Variants in IMPG1 observed in about 807,000 individuals in gnomAD.
IMPG1 encodes the protein interphotoreceptor matrix proteoglycan of 150 kDa.
Under a neutral mutation model 92.0 loss-of-function variants are expected in IMPG1, and 85 were observed. The observed-to-expected ratio is 0.92, with a 90% CI of 0.78 to 1.11. IMPG1 has a LOEUF of 1.11. Ranked by LOEUF, IMPG1 falls within the 50% of genes least tolerant of loss-of-function variation. The pLI, the probability that IMPG1 is intolerant of heterozygous loss-of-function variation, is 0.00. For synonymous variants in IMPG1, 367 were observed against 334.1 expected, an observed-to-expected ratio of 1.10 and a Z score of -1.08; for missense variants, 1,022 against 956.0, an observed-to-expected ratio of 1.07 and a Z score of -0.91.
chr6:75,997,578 A>G (rs912792860), intron 12 of IMPG1, among the ~76,000 whole-genome samples: 5 of 152,180 alleles, frequency 3.3e-5, no homozygotes, highest in African/African-American at 1.2e-4. Flanking sequence ...GTATTTACCA[A>G]TAAGGGACAT....
intron 12 of IMPG1, among the ~76,000 whole-genome samples, chr6:75,955,057 G>T (rs1377269689): frequency 6.6e-6 from 1 of 152,160 alleles, no homozygotes; most frequent in East Asian, 1.9e-4. Flanking sequence ...GATGCTTCCA[G>T]CTTTGTTCTT....
At chr6:76,064,379 T>C (rs1455586170) in intron 1 of IMPG1, among the ~76,000 whole-genome samples, 2 of 151,528 alleles carry the variant, frequency 1.3e-5, no homozygotes, top group Admixed American at 1.3e-4. Context: ...TCTTTTTTTT[T>C]TTTTTTTAAT....
rs141394214 is a variant in IMPG1 at position 76,027,655 on chromosome 6, C to G, written c.498-2397G>C. Among the ~76,000 whole-genome samples the G allele has an allele frequency of 6.1e-4, 93 of 152,260 alleles. No individual in the cohort carries two copies. The East Asian group carries it at 0.016, about 26-fold the overall frequency. ...TTGCAGAAGAGGTTCTTTGTGTGAA[C>G]ATATTGACTATTCAAAAAAAGGTAT... On this transcript the variant is annotated intron_variant, in intron 4 of 16. Transcript: ENST00000369950.
In IMPG1 at chr6:76,007,489, T is replaced by G. The variant is rs1378893073; in HGVS notation, c.878A>C (p.Glu293Ala). The G allele has an allele frequency of 6.3e-7, 1 of 1,599,982 alleles. No individual in the cohort carries two copies. Among genetic ancestry groups the G allele is most frequent in the Non-Finnish European group, 8.5e-7 (1 of 1,171,066 alleles). ...TTAAAGTCCAAATTACCCATCTTTT[T>G]CTTTCTTTGGTCTTCATTTCATCAT... The part of the protein sequence containing the change: ...IHVLGFRPKK[E>A]KDGSSSTEMQ... The change falls in exon 9 of 17, where the codon GAA becomes GCA. Residue 293 changes from glutamate (E) to alanine (A), a missense_variant. Glu to Ala is a moderately radical substitution (Grantham distance 107). Coordinates refer to ENST00000369950, the MANE Select transcript of IMPG1 (RefSeq NM_001563.4).
rs905670789 is a variant in IMPG1 at position 75,921,140 on chromosome 6, A to C, written c.*949T>G. On this transcript the variant is annotated 3_prime_UTR_variant, in exon 17 of 17. Transcript: ENST00000369950. Reference sequence around the variant, plus strand: ...GAGTATATCACTTTTACTTTATTGAAATTAAGGTTTGTAGCAAATATATCT... The same window carrying C: ...GAGTATATCACTTTTACTTTATTGACATTAAGGTTTGTAGCAAATATATCT... 5 of 152,186 alleles carry C rather than the reference A, an allele frequency of 3.3e-5. No individual in the cohort carries two copies. Among genetic ancestry groups the C allele is most frequent in the Non-Finnish European group, 7.3e-5 (5 of 68,034 alleles). 9.4% of individuals were successfully genotyped at this position (152,186 alleles called of 1,614,324 possible). A position where few individuals can be genotyped will look rare whatever the true frequency, so the allele number is the denominator to read the frequency against.
chr6:75,959,476 C>G (rs1782180266), intron 12 of IMPG1, among the ~76,000 whole-genome samples: 1 of 152,210 alleles, frequency 6.6e-6, no homozygotes, highest in South Asian at 2.1e-4. Flanking sequence ...ACAGCCCCCC[C>G]TTCCCCCAGG....
At chr6:75,981,772 T>A (rs964576089) in intron 12 of IMPG1, among the ~76,000 whole-genome samples, 12 of 152,242 alleles carry the variant, frequency 7.9e-5, no homozygotes, top group Non-Finnish European at 1.3e-4. Flanking sequence ...GAGGGAATTG[T>A]TGAGTGCAAA....
rs767983922 is a variant in IMPG1, at chr6:76,022,196, G to A, written c.586C>T (p.Pro196Ser). 2.5e-5 allele frequency: 40 copies of A among 1,591,330 alleles called. No homozygotes were observed. In the Admixed American group the frequency reaches 4.4e-4, roughly 17 times the overall value. Residue 196 changes from proline (P) to serine (S), a missense_variant, in exon 6 of 17, where the codon CCT becomes TCT. Physicochemically the swap from Pro to Ser is moderately conservative, Grantham distance 74. Transcript: ENST00000369950. ...STDVANVSLG[P>S]FPLTPDDTLL... The stretch of plus-strand genomic sequence containing the variant: ...GTGTCATCAGGAGTGAGAGGGAAAG[G>A]CCCAAGTGAGACGTTGGCAACATCT...
At chr6:76,014,025 AGCTC>A (rs1562369890) in intron 7 of IMPG1, among the ~76,000 whole-genome samples, 1 of 152,172 alleles carries the variant, frequency 6.6e-6, no homozygotes, top group African/African-American at 2.4e-5. Context: ...GGTGATCCGG[AGCTC>A]TTTGTACGGG....
intron 12 of IMPG1, among the ~76,000 whole-genome samples, chr6:75,955,140 T>C (rs1782096652): frequency 6.6e-6 from 1 of 152,228 alleles, no homozygotes; most frequent in Non-Finnish European, 1.5e-5. Flanking sequence ...TTTTTTCTAA[T>C]TCTGTGAAGA....
intron 12 of IMPG1, among the ~76,000 whole-genome samples, chr6:76,000,519 A>G (rs1782969259): frequency 6.6e-6 from 1 of 152,200 alleles, no homozygotes; most frequent in Admixed American, 6.5e-5. Flanking sequence ...TAGGATTTTA[A>G]TAAGCAAAAT....
intron 12 of IMPG1, among the ~76,000 whole-genome samples, chr6:75,972,193 A>T (rs1782432425): frequency 6.6e-6 from 1 of 152,096 alleles, no homozygotes; most frequent in African/African-American, 2.4e-5. Context: ...TTATAGAATT[A>T]CTCTTCCCAC....
chr6:75,965,189 T>C (rs1444108692), intron 12 of IMPG1, among the ~76,000 whole-genome samples: 7 of 152,222 alleles, frequency 4.6e-5, no homozygotes, highest in African/African-American at 1.7e-4. Flanking sequence ...TGTGAGCATG[T>C]TTTCTTTCTC....
At chr6:76,006,629 A>G (rs929589038) in intron 9 of IMPG1, among the ~76,000 whole-genome samples, 8 of 151,456 alleles carry the variant, frequency 5.3e-5, no homozygotes, top group Non-Finnish European at 8.8e-5. Context: ...TTTTTAAAAT[A>G]AGTATTTTTT....
At position 75,923,726 on chromosome 6, in the gene IMPG1, C is replaced by CAAG; in HGVS notation, c.2244-21_2244-20insCTT. 1 of 1,481,116 alleles carries CAAG rather than the reference C, an allele frequency of 6.8e-7. No individual in the cohort carries two copies. The highest frequency in any genetic ancestry group is 9.4e-7 in the Non-Finnish European group (1 of 1,063,294). The allele number at this position is 1,481,116 out of a possible 1,614,324, so 91.7% of individuals were successfully genotyped here. On this transcript the variant is annotated intron_variant, in intron 15 of 16. Coordinates refer to ENST00000369950, the MANE Select transcript of IMPG1 (RefSeq NM_001563.4). ...GGCAACCTACAAAAGAAAGCAAAAA[C>CAAG]ATAGTATCTTGTTTCTTGGGCTTAT...
chr6:76,067,015 A>G (rs1043278931), intron 1 of IMPG1, among the ~76,000 whole-genome samples: 3 of 151,884 alleles, frequency 2.0e-5, no homozygotes, highest in African/African-American at 4.8e-5. Context: ...TAGAGACACA[A>G]CATACCTCTG....
chr6:76,034,716 C>T lies in IMPG1; in HGVS notation c.373G>A (p.Asp125Asn). ...DRIPDTGEYQ[D>N]WVSICQQETF... is the part of the protein sequence containing the mutation. Reference sequence around the variant, plus strand: ...TCCTGCTGGCAGATGCTGACCCAGTCCTGATATTCCCCTGTGTCAGGGATG... The same window carrying T: ...TCCTGCTGGCAGATGCTGACCCAGTTCTGATATTCCCCTGTGTCAGGGATG... The change falls in exon 3 of 17, where the codon GAC (aspartate) becomes AAC (asparagine). Residue 125 changes from aspartate to asparagine, a missense_variant. Physicochemically the swap from Asp to Asn is conservative, Grantham distance 23 (BLOSUM62 1). Around this residue, in one of 3 missense-constraint regions of IMPG1, gnomAD observed 681 missense variants for 583.6 expected, o/e 1.17. Transcript: ENST00000369950. 1 of 1,614,084 alleles carries T rather than the reference C, an allele frequency of 6.2e-7. No individual in the cohort carries two copies. Among genetic ancestry groups the T allele is most frequent in the Non-Finnish European group, 8.5e-7 (1 of 1,179,964 alleles).
chr6:76,061,161 G>C (rs945638773), intron 1 of IMPG1, among the ~76,000 whole-genome samples: 4 of 152,128 alleles, frequency 2.6e-5, no homozygotes, highest in Non-Finnish European at 5.9e-5. Flanking sequence ...CAAGCCTAAA[G>C]GGGCCACAAG....
chr6:75,949,942 G>T (rs1781996046), intron 13 of IMPG1, among the ~76,000 whole-genome samples: 1 of 152,076 alleles, frequency 6.6e-6, no homozygotes, highest in African/African-American at 2.4e-5. Flanking sequence ...GTATTACATA[G>T]TTCAACATTT....
Sources: gnomAD v4.1 joint callset for allele counts (sites outside exome capture counted in the v4.1 genomes callset) on GRCh38, gnomAD v4.1.1 for gene constraint, gnomAD v4.1.1 regional missense constraint, MANE v1.5 for transcripts, NCBI Gene and HGNC (gene_info 2026-07-23, HGNC 2026-07-21) for gene names.